Variants in MIGA2 observed in about 807,000 individuals in gnomAD.
MIGA2 encodes the protein mitoguardin 2, also known as family with sequence similarity 73, member B.
MIGA2 carries 36 observed loss-of-function variants against 69.9 expected under a neutral mutation model. The observed-to-expected ratio is 0.52, with a 90% CI of 0.39 to 0.68. MIGA2 has a LOEUF of 0.68. Among genes scored for constraint, MIGA2 ranks in the 30% least tolerant of loss-of-function variants. The pLI, the probability that MIGA2 is intolerant of heterozygous loss-of-function variation, is 0.00. For missense variants in MIGA2, 660 were observed against 787.7 expected, an observed-to-expected ratio of 0.84 and a Z score of 1.94; for synonymous variants, 333 against 349.2, an observed-to-expected ratio of 0.95 and a Z score of 0.52.
chr9:129,064,358 C>T (rs1846227826), intron 11 of MIGA2, among the ~76,000 whole-genome samples: 1 of 152,038 alleles, frequency 6.6e-6, no homozygotes. Flanking sequence ...AGGCGCTCGC[C>T]ACCGTGCCCG....
rs1412898708 is a variant in MIGA2 at position 129,061,846 on chromosome 9, G to A, written c.1010+500G>A. ...GAGAGGTCAGGTACCCAGGCTGTGG[G>A]GACAGACAGGCCCAGACTCCAAGTT... On this transcript the variant is annotated intron_variant, in intron 9 of 15. Coordinates refer to ENST00000684074, the MANE Select transcript of MIGA2 (RefSeq NM_001329990.2). The surrounding 1 kb of genome is among the most constrained non-coding windows in gnomAD (Gnocchi z 5.0). 2.6e-5 allele frequency among the ~76,000 whole-genome samples: 4 copies of A among 152,100 alleles called. No homozygotes were observed.
At chr9:129,038,922 A>G (rs1844742453) in intron 1 of MIGA2, among the ~76,000 whole-genome samples, 1 of 147,710 alleles carries the variant, frequency 6.8e-6, no homozygotes, top group African/African-American at 2.5e-5. Flanking sequence ...CAGCCTCCCA[A>G]GTAGCTGGGA....
At chr9:129,037,288 A>G (rs1199333667) in intron 1 of MIGA2, among the ~76,000 whole-genome samples, 3 of 152,068 alleles carry the variant, frequency 2.0e-5, no homozygotes, top group Non-Finnish European at 4.4e-5. Context: ...GGTCTAGCGC[A>G]GGGGAGGAGG....
intron 3 of MIGA2, 58 bp from the exon 4 acceptor site, chr9:129,048,369 G>A: frequency 7.3e-7 from 1 of 1,369,282 alleles, no homozygotes; most frequent in Non-Finnish European, 1.0e-6. Context: ...AGTGGGGGCA[G>A]CCCGTGTAAA....
intron 6 of MIGA2, among the ~76,000 whole-genome samples, chr9:129,053,178 G>A (rs1436460437): frequency 1.3e-5 from 2 of 152,024 alleles, no homozygotes; most frequent in Admixed American, 6.6e-5. Context: ...GAGCACTGGC[G>A]CTCTGTGGGG....
chr9:129,057,381 C>T (rs1282709089), intron 6 of MIGA2, among the ~76,000 whole-genome samples: 1 of 149,954 alleles, frequency 6.7e-6, no homozygotes, highest in Non-Finnish European at 1.5e-5. Context: ...GCAAGCTCCC[C>T]CTCCCGGGTT....
chr9:129,051,839 A>G (rs1423109239), intron 6 of MIGA2, among the ~76,000 whole-genome samples: 5 of 145,248 alleles, frequency 3.4e-5, no homozygotes, highest in Admixed American at 7.0e-5. Context: ...TTAATTAATT[A>G]ATTAGAGACG....
chr9:129,041,525 G>C (rs945296571), intron 2 of MIGA2, among the ~76,000 whole-genome samples: 1 of 152,150 alleles, frequency 6.6e-6, no homozygotes. Flanking sequence ...AATAGAAATA[G>C]GGCCTTGCCA....
At position 129,049,502 on chromosome 9, in the gene MIGA2, T is replaced by C; in HGVS notation, c.538+4T>C. ...GCAGAGAGCCTGTACATGCAAGGTG[T>C]GGCCAGGAGGTGCCTCAGCTTCGAG... On this transcript the variant is annotated splice_donor_region_variant and intron_variant, in intron 5 of 15. Transcript: ENST00000684074. The C allele has an allele frequency of 6.2e-7, 1 of 1,612,734 alleles. No individual in the cohort carries two copies. The highest frequency in any genetic ancestry group is 1.1e-5 in the South Asian group (1 of 90,686).
chr9:129,039,120 G>C (rs765343998), intron 1 of MIGA2, among the ~76,000 whole-genome samples: 8 of 151,562 alleles, frequency 5.3e-5, no homozygotes, highest in Non-Finnish European at 1.0e-4. Context: ...GATTCAGTGA[G>C]ATGATGGATG....
rs149286368 is a variant in MIGA2 at position 129,069,933 on chromosome 9, C to T, written c.1543C>T (p.Pro515Ser). ...VLAFGFLGPK[P>S]QLAEVCAFFK... ...AGCCTTCGGCTTCCTTGGACCCAAG[C>T]CTCAGCTTGCTGAAGTCTGTGCTTT... The change falls in exon 15 of 16, where the codon CCT becomes TCT. Residue 515 changes from proline to serine, a missense_variant. This residue lies in a region of MIGA2 where 220 missense variants were observed against 301.7 expected (regional missense o/e 0.73). Transcript: ENST00000684074. This position sits in a 1 kb window ranked among gnomAD's most constrained non-coding sequence, Gnocchi z 4.9. The T allele has an allele frequency of 9.3e-6, 15 of 1,611,368 alleles. No individual in the cohort carries two copies. In the East Asian group the frequency reaches 3.3e-4, roughly 36 times the overall value.
chr9:129,059,150 G>T lies in MIGA2; in HGVS notation c.676-4G>T. Reference sequence around the variant, plus strand: ...TGGGTTGAGGGTCCTTGTTTTTATGGCAGCCAGAGTCACAGCGGAAGGAGT... The same window carrying T: ...TGGGTTGAGGGTCCTTGTTTTTATGTCAGCCAGAGTCACAGCGGAAGGAGT... On this transcript the variant is annotated splice_polypyrimidine_tract_variant and splice_region_variant and intron_variant, in intron 6 of 15. Coordinates refer to ENST00000684074, the MANE Select transcript of MIGA2 (RefSeq NM_001329990.2). The surrounding 1 kb of genome is among the most constrained non-coding windows in gnomAD (Gnocchi z 5.6). The T allele has an allele frequency of 1.2e-6, 2 of 1,613,034 alleles. No homozygotes were observed. Among genetic ancestry groups the T allele is most frequent in the Admixed American group, 1.7e-5 (1 of 59,972 alleles).
At chr9:129,048,683 T>A in intron 4 of MIGA2, 144 bp downstream of exon 4, 1 of 660,486 alleles carries the variant, frequency 1.5e-6, no homozygotes, top group East Asian at 2.8e-5. Context: ...CTTTCAGGGA[T>A]TGTCCCTAAT....
intron 10 of MIGA2, 52 bp downstream of exon 10, chr9:129,063,368 C>T: frequency 6.2e-7 from 1 of 1,605,892 alleles, no homozygotes. Flanking sequence ...GGTAGTCAGG[C>T]TGGCCATGGC....
Position 129,069,213 on chromosome 9 carries a change from C to G in MIGA2, c.1458+84C>G. On this transcript the variant is annotated intron_variant, in intron 14 of 15. Coordinates refer to ENST00000684074, the MANE Select transcript of MIGA2 (RefSeq NM_001329990.2). This position sits in a 1 kb window ranked among gnomAD's most constrained non-coding sequence, Gnocchi z 4.9. The stretch of plus-strand genomic sequence containing the variant: ...AGCGGAGCGGGTGCAGGGTGGCTCG[C>G]TGGGCCACTTGGCCTTCACCGCTCA... The G allele has an allele frequency of 1.9e-6, 3 of 1,548,710 alleles. No homozygotes were observed. Among genetic ancestry groups the G allele is most frequent in the Non-Finnish European group, 2.7e-6 (3 of 1,126,168 alleles).
In MIGA2 at chr9:129,060,627, G is replaced by A; in HGVS notation, c.871G>A (p.Asp291Asn). 6.2e-7 allele frequency: 1 copy of A among 1,602,014 alleles called. No homozygotes were observed. The highest frequency in any genetic ancestry group is 8.5e-7 in the Non-Finnish European group (1 of 1,174,324). The change falls in exon 8 of 16, where the codon GAT becomes AAT. Residue 291 changes from aspartate (D) to asparagine (N), a missense_variant. Transcript: ENST00000684074. The surrounding 1 kb of genome is among the most constrained non-coding windows in gnomAD (Gnocchi z 4.8). ...CGATGAGGACAGCCTGACTTCAGAG[G>A]ATTCCTTCTTCTCCGCCACCGAGGT... ...ADDEDSLTSE[D>N]SFFSATELFE...
chr9:129,044,294 T>A (rs1318592218), intron 3 of MIGA2, among the ~76,000 whole-genome samples: 1 of 151,550 alleles, frequency 6.6e-6, no homozygotes, highest in African/African-American at 2.4e-5. Context: ...CCTGGCCCCT[T>A]CTTCTACTCT....
chr9:129,064,683 C>A (rs1404353274), intron 11 of MIGA2, among the ~76,000 whole-genome samples: 1 of 152,098 alleles, frequency 6.6e-6, no homozygotes, highest in Admixed American at 6.6e-5. Flanking sequence ...TGAGCTTCGT[C>A]CTGTCTGGCT....
intron 3 of MIGA2, among the ~76,000 whole-genome samples, chr9:129,044,781 A>C (rs1198815044): frequency 1.3e-5 from 2 of 151,790 alleles, no homozygotes; most frequent in African/African-American, 4.8e-5. Flanking sequence ...TGTGTTGGCC[A>C]GGCTGGTCTG....
Sources: gnomAD v4.1 joint callset for allele counts (sites outside exome capture counted in the v4.1 genomes callset) on GRCh38, gnomAD v4.1.1 for gene constraint, gnomAD v4.1.1 regional missense constraint, Gnocchi (gnomAD v3.1) non-coding constraint, MANE v1.5 for transcripts, NCBI Gene and HGNC (gene_info 2026-07-23, HGNC 2026-07-21) for gene names.